ODAD2: variants seen among roughly 807,000 people sequenced by gnomAD.
ODAD2 encodes the protein outer dynein arm docking complex subunit 2.
A neutral mutation model predicts 106.8 loss-of-function variants in ODAD2; 89 were observed. That is an observed-to-expected ratio of 0.83 (90% CI 0.70 to 0.99). ODAD2 has a LOEUF of 0.99. Ranked by LOEUF, ODAD2 falls within the 50% of genes least tolerant of loss-of-function variation. The pLI is 0.00. For missense variants in ODAD2, 1,168 were observed against 1,238.5 expected, an observed-to-expected ratio of 0.94 and a Z score of 0.85; for synonymous variants, 404 against 436.2, an observed-to-expected ratio of 0.93 and a Z score of 0.92.
Position 27,944,920 on chromosome 10 carries a change from T to G in ODAD2, c.1429A>C (p.Arg477=). The part of the protein sequence containing the change: ...TATVIALCSM[R]DFSLAQETCQ... Reference sequence around the variant, plus strand: ...GTTTCTTGAGCTAAGCTGAAATCCCTCATTGAACACAACGCAATCACTGTA... The same window carrying G: ...GTTTCTTGAGCTAAGCTGAAATCCCGCATTGAACACAACGCAATCACTGTA... Residue 477 remains arginine (R), a synonymous_variant, in exon 11 of 20, where the codon AGG becomes CGG. Coordinates refer to ENST00000305242, the MANE Select transcript of ODAD2 (RefSeq NM_018076.5). The G allele has an allele frequency of 6.2e-7, 1 of 1,614,148 alleles. No individual in the cohort carries two copies. Among genetic ancestry groups the G allele is most frequent in the Non-Finnish European group, 8.5e-7 (1 of 1,179,996 alleles).
intron 7 of ODAD2, among the ~76,000 whole-genome samples, chr10:27,976,441 A>G (rs972282924): frequency 4.6e-5 from 7 of 152,148 alleles, no homozygotes; most frequent in African/African-American, 1.4e-4. Flanking sequence ...ACAAAAATCA[A>G]GTGTATATTT....
chr10:27,945,275 A>G (rs145581727), intron 10 of ODAD2, among the ~76,000 whole-genome samples: 11 of 152,348 alleles, frequency 7.2e-5, no homozygotes, highest in Admixed American at 6.5e-4. Context: ...CACAGAGCTA[A>G]GAGATGGTTC....
chr10:27,938,039 G>A (rs117895105), intron 14 of ODAD2, among the ~76,000 whole-genome samples: 9,296 of 152,122 alleles, frequency 0.061, 369 homozygotes, highest in East Asian at 0.18. Context: ...TACCTCGTGG[G>A]TTCAAGCAAT....
At chr10:27,967,048 G>A (rs1458059505) in intron 9 of ODAD2, among the ~76,000 whole-genome samples, 5 of 149,526 alleles carry the variant, frequency 3.3e-5, no homozygotes, top group African/African-American at 1.2e-4. Context: ...AGGAGGTGCA[G>A]GCAAAAAAAG....
At chr10:27,952,658 A>G (rs1321549725) in intron 10 of ODAD2, among the ~76,000 whole-genome samples, 1 of 152,140 alleles carries the variant, frequency 6.6e-6, no homozygotes, top group African/African-American at 2.4e-5. Context: ...AAAGTCTATC[A>G]ATGCCTAGAC....
rs2133098267 is a variant in ODAD2, at chr10:27,981,565, T to G, written c.837A>C (p.Glu279Asp). 1 of 1,545,490 alleles carries G rather than the reference T, an allele frequency of 6.5e-7. No homozygotes were observed. The highest frequency in any genetic ancestry group is 2.5e-5 in the East Asian group (1 of 40,784). Reference protein sequence around the residue: ...VFLNGGKTDDEGDVNYERKGS... With the variant: ...VFLNGGKTDDDGDVNYERKGS... ...CTTTTCTCTCATAATTAACGTCCCC[T>G]TCATCATCTGTTTTGCCCTTTGGGA... is the stretch of plus-strand genomic sequence containing the variant. Residue 279 changes from glutamate (E) to aspartate (D), a missense_variant, in exon 7 of 20, where the codon GAA (glutamate) becomes GAC (aspartate). Physicochemically the swap from Glu to Asp is conservative, Grantham distance 45. Around this residue, in one of 3 missense-constraint regions of ODAD2, gnomAD observed 430 missense variants for 452.2 expected, o/e 0.95. Transcript: ENST00000305242.
chr10:27,908,021 G>GA (rs963461600), intron 16 of ODAD2, among the ~76,000 whole-genome samples: 50 of 151,952 alleles, frequency 3.3e-4, no homozygotes, highest in African/African-American at 1.2e-3. Flanking sequence ...CACATAAACT[G>GA]AAAATCAAGC....
intron 17 of ODAD2, among the ~76,000 whole-genome samples, chr10:27,871,629 C>T (rs1342366232): frequency 2.0e-5 from 3 of 152,086 alleles, no homozygotes; most frequent in Non-Finnish European, 2.9e-5. Context: ...TCCCCATTTC[C>T]TATTTTTGTC....
At chr10:27,828,151 G>A (rs1157093080) in intron 19 of ODAD2, among the ~76,000 whole-genome samples, 2 of 152,152 alleles carry the variant, frequency 1.3e-5, no homozygotes, top group Admixed American at 1.3e-4. Context: ...GAAAATCCTA[G>A]GGATCATTGA....
intron 10 of ODAD2, chr10:27,957,697 A>T (rs1197011547): frequency 6.6e-6 from 1 of 152,234 alleles, no homozygotes; most frequent in Non-Finnish European, 1.5e-5. Flanking sequence ...TACATATATA[A>T]AACTTGCAGG....
chr10:27,965,285 C>T (rs540481352), intron 9 of ODAD2, among the ~76,000 whole-genome samples: 14 of 152,128 alleles, frequency 9.2e-5, no homozygotes, highest in Non-Finnish European at 1.3e-4. Flanking sequence ...TTTCTGCCTA[C>T]GGTCCCCATG....
chr10:27,888,723 A>G (rs1372849836), intron 17 of ODAD2, among the ~76,000 whole-genome samples: 1 of 152,136 alleles, frequency 6.6e-6, no homozygotes, highest in Non-Finnish European at 1.5e-5. Context: ...CCACATAACA[A>G]AACTGTACAG....
chr10:27,975,157 C>T (rs1436783808), intron 7 of ODAD2, among the ~76,000 whole-genome samples: 1 of 152,102 alleles, frequency 6.6e-6, no homozygotes, highest in African/African-American at 2.4e-5. Flanking sequence ...CTGAGGATCC[C>T]TTGTTTTATA....
chr10:27,934,042 A>T (rs1193427694), intron 16 of ODAD2, among the ~76,000 whole-genome samples: 1 of 152,144 alleles, frequency 6.6e-6, no homozygotes, highest in African/African-American at 2.4e-5. Context: ...TGTTCTCATG[A>T]TAGTGAGTAA....
At chr10:27,842,615 T>C (rs1004342395) in intron 19 of ODAD2, among the ~76,000 whole-genome samples, 1 of 152,186 alleles carries the variant, frequency 6.6e-6, no homozygotes, top group Non-Finnish European at 1.5e-5. Context: ...AAGAACATTC[T>C]ATAAAGCCAT....
chr10:27,883,309 G>A (rs1173952656), intron 17 of ODAD2, among the ~76,000 whole-genome samples: 1 of 152,086 alleles, frequency 6.6e-6, no homozygotes, highest in Non-Finnish European at 1.5e-5. Flanking sequence ...AACCTCTGGA[G>A]TCATGCATGA....
At chr10:27,843,766 C>CA (rs113375418) in intron 19 of ODAD2, among the ~76,000 whole-genome samples, 189 of 144,044 alleles carry the variant, frequency 1.3e-3, no homozygotes, top group East Asian at 3.2e-3. Context: ...TACTCTGTCT[C>CA]AAAAAAAAAC....
At chr10:27,887,812 A>T (rs964049918) in intron 17 of ODAD2, among the ~76,000 whole-genome samples, 3 of 151,904 alleles carry the variant, frequency 2.0e-5, no homozygotes, top group Non-Finnish European at 4.4e-5. Context: ...TCAAAAAGAT[A>T]AAAAAATTCA....
At chr10:27,869,534 CTTTTTCT>C (rs200046648) in intron 17 of ODAD2, among the ~76,000 whole-genome samples, 1,249 of 116,052 alleles carry the variant, frequency 0.011, 22 homozygotes, top group African/African-American at 0.035. Flanking sequence ...TTTCTTTTTT[CTTTTTCT>C]TTTTTTTTTT....
Sources: gnomAD v4.1 joint callset for allele counts (sites outside exome capture counted in the v4.1 genomes callset) on GRCh38, gnomAD v4.1.1 for gene constraint, gnomAD v4.1.1 regional missense constraint, MANE v1.5 for transcripts, NCBI Gene and HGNC (gene_info 2026-07-23, HGNC 2026-07-21) for gene names.